The following TNS2 variants were observed in gnomAD, a reference collection of about 807,000 sequenced individuals.
TNS2 encodes tensin 2.
Under a neutral mutation model 155.7 loss-of-function variants are expected in TNS2, and 77 were observed. The observed-to-expected ratio is 0.49, with a 90% CI of 0.41 to 0.60. The LOEUF (loss-of-function observed/expected upper bound fraction) is 0.60, where lower values mean the gene tolerates loss of function less well. Ranked by LOEUF, TNS2 falls within the 20% of genes least tolerant of loss-of-function variation. The pLI is 0.00. For synonymous variants in TNS2, 726 were observed against 763.9 expected, an observed-to-expected ratio of 0.95 and a Z score of 0.82; for missense variants, 1,703 against 1,868.8, an observed-to-expected ratio of 0.91 and a Z score of 1.64.
At chr12:53,062,865 G>C in intron 25 of TNS2, 168 bp downstream of exon 25, 1 of 971,132 alleles carries the variant, frequency 1.0e-6, no homozygotes, top group African/African-American at 1.6e-5. Context: ...CTCAGCCTAG[G>C]TTCTCAAAGT....
intron 11 of TNS2, 89 bp from the exon 12 acceptor site, chr12:53,057,478 G>T (rs1159394129): frequency 1.7e-5 from 17 of 987,390 alleles, no homozygotes; most frequent in Non-Finnish European, 3.1e-6. Context: ...GAGCAGAAGA[G>T]CGAGCCTTCT....
rs903337240 is a variant in TNS2, at chr12:53,058,334, G to A, written c.1114G>A (p.Gly372Ser). 1.2e-6 allele frequency: 2 copies of A among 1,614,148 alleles called. No homozygotes were observed. Residue 372 changes from glycine (G) to serine (S), a missense_variant, in exon 15 of 29, where the codon GGT (glycine) becomes AGT (serine). Physicochemically the swap from Gly to Ser is moderately conservative, Grantham distance 56. Coordinates refer to ENST00000314250, the MANE Select transcript of TNS2 (RefSeq NM_170754.4). ...GDVMVTCYHK[G>S]GRGTDRTLVF... ...CTCCCAGGTAACATGTTATCACAAG[G>A]GTGGCCGGGGCACAGACCGGACCCT... is the stretch of plus-strand genomic sequence containing the variant.
chr12:53,058,871 G>C lies in TNS2; in HGVS notation c.1405+44G>C, dbSNP rs763152718. 1.9e-5 allele frequency: 31 copies of C among 1,598,178 alleles called. No individual in the cohort carries two copies. The East Asian group carries it at 6.9e-4, about 36-fold the overall frequency. ...GGGTGGGAGGTACAGGGTTGTGGCG[G>C]GACCCTGGGGGGTGGTGCCAGGGAG... On this transcript the variant is annotated intron_variant, in intron 17 of 28. Coordinates refer to ENST00000314250, the MANE Select transcript of TNS2 (RefSeq NM_170754.4).
In TNS2 at chr12:53,051,897, C is replaced by T. The variant is rs1230910886; in HGVS notation, c.118C>T (p.Arg40Trp). 5 of 1,613,506 alleles carry T rather than the reference C, an allele frequency of 3.1e-6. No homozygotes were observed. Among genetic ancestry groups the T allele is most frequent in the African/African-American group, 1.3e-5 (1 of 74,886 alleles). Residue 40 changes from arginine to tryptophan, a missense_variant, in exon 2 of 29, where the codon CGG becomes TGG. Coordinates refer to ENST00000314250, the MANE Select transcript of TNS2 (RefSeq NM_170754.4). ...TCATAGCTTCCGGGAGAAGGTTTTC[C>T]GGAAGAAACCTCCAGTCTGTGCAGT... Reference protein sequence around the residue: ...EPHSFREKVFRKKPPVCAVCK... With the variant: ...EPHSFREKVFWKKPPVCAVCK...
At position 53,059,471 on chromosome 12, in the gene TNS2, C is replaced by A; in HGVS notation, c.1830C>A (p.Tyr610Ter). ...EPCGVPNGGY[Y>*]RPEGTLERRR... is the part of the protein sequence containing the mutation. ...GCGGGGTTCCCAATGGGGGCTACTACCGGCCAGAGGGAACCCTGGAGAGGA... is the reference window on the plus strand; with the variant it reads ...GCGGGGTTCCCAATGGGGGCTACTAACGGCCAGAGGGAACCCTGGAGAGGA... Residue 610 changes from tyrosine (Y) to a stop codon, truncating the protein, a stop_gained, in exon 18 of 29, where the codon TAC becomes TAA. Transcript: ENST00000314250. LOFTEE classifies it high-confidence loss of function. This position sits in a 1 kb window ranked among gnomAD's most constrained non-coding sequence, Gnocchi z 4.7. 6.5e-7 allele frequency: 1 copy of A among 1,542,380 alleles called. No homozygotes were observed. The highest frequency in any genetic ancestry group is 8.7e-7 in the Non-Finnish European group (1 of 1,149,944).
rs1419516652 is a variant in TNS2 at position 53,061,930 on chromosome 12, G to T, written c.3564G>T (p.Gln1188His). ...TGGCCACACCGCCACCCAGTGCCCA[G>T]CCCTGGAAAGGTACAGAACACCCAA... ...LKVATPPPSA[Q>H]PWKGDPVEQL... is the part of the protein sequence containing the mutation. The change falls in exon 22 of 29, where the codon CAG becomes CAT. Residue 1188 changes from glutamine to histidine, a missense_variant. By Grantham distance (24) the Gln-to-His change is conservative. Transcript: ENST00000314250. 2 of 1,612,218 alleles carry T rather than the reference G, an allele frequency of 1.2e-6. No individual in the cohort carries two copies. The highest frequency in any genetic ancestry group is 1.1e-5 in the South Asian group (1 of 90,924).
chr12:53,052,518 G>T (rs778711534), intron 3 of TNS2, 26 bp downstream of exon 3: 17 of 1,613,698 alleles, frequency 1.1e-5, no homozygotes, highest in Non-Finnish European at 1.4e-5. Flanking sequence ...TACCTGATAG[G>T]GGGAGAGGGT....
At position 53,063,952 on chromosome 12, in the gene TNS2, C is replaced by T; in HGVS notation, c.*70C>T. 6.4e-7 allele frequency: 1 copy of T among 1,569,626 alleles called. No homozygotes were observed. The highest frequency in any genetic ancestry group is 8.7e-7 in the Non-Finnish European group (1 of 1,152,512). The stretch of plus-strand genomic sequence containing the variant: ...CCAGCACCCCACAGCCCTCACATCC[C>T]CTGGCCTGGACCCAGGAGACCCAGG... On this transcript the variant is annotated 3_prime_UTR_variant, in exon 29 of 29. Coordinates refer to ENST00000314250, the MANE Select transcript of TNS2 (RefSeq NM_170754.4). This position sits in a 1 kb window ranked among gnomAD's most constrained non-coding sequence, Gnocchi z 5.6.
Position 53,060,014 on chromosome 12 carries a change from T to C in TNS2, c.2373T>C (p.Tyr791=), listed in dbSNP as rs1317573303. The change falls in exon 18 of 29, where the codon TAT becomes TAC. Residue 791 remains tyrosine (Y), a synonymous_variant. Coordinates refer to ENST00000314250, the MANE Select transcript of TNS2 (RefSeq NM_170754.4). The surrounding 1 kb of genome is among the most constrained non-coding windows in gnomAD (Gnocchi z 6.1). ...PGYPALVTYS[Y]GGAVPSYCPA... The stretch of plus-strand genomic sequence containing the variant: ...ACCCTGCCCTGGTGACATACAGCTA[T>C]GGAGGAGCAGTTCCCAGTTACTGCC... The C allele has an allele frequency of 1.2e-6, 2 of 1,613,478 alleles. No homozygotes were observed. The highest frequency in any genetic ancestry group is 8.5e-7 in the Non-Finnish European group (1 of 1,179,948).
intron 6 of TNS2, 62 bp from the exon 7 acceptor site, chr12:53,054,208 G>C (rs1280899085): frequency 6.2e-7 from 1 of 1,606,324 alleles, no homozygotes; most frequent in African/African-American, 1.3e-5. Flanking sequence ...CAGCCTTCCC[G>C]TCACACTAGC....
intron 20 of TNS2, 53 bp downstream of exon 20, chr12:53,061,317 G>C: frequency 6.2e-7 from 1 of 1,611,386 alleles, no homozygotes; most frequent in Non-Finnish European, 8.5e-7. Flanking sequence ...CTTTCTCCTG[G>C]GATGTAGCAT....
At position 53,051,864 on chromosome 12, in the gene TNS2, G is replaced by A. The variant is rs752785217; in HGVS notation, c.85G>A (p.Ala29Thr). 1.9e-5 allele frequency: 31 copies of A among 1,612,788 alleles called. No individual in the cohort carries two copies. The highest frequency in any genetic ancestry group is 2.5e-5 in the Non-Finnish European group (30 of 1,179,372). The change falls in exon 2 of 29, where the codon GCT becomes ACT. Residue 29 changes from alanine (A) to threonine (T), a missense_variant. Ala to Thr is a moderately conservative substitution (Grantham distance 58). Coordinates refer to ENST00000314250, the MANE Select transcript of TNS2 (RefSeq NM_170754.4). ...GTCCCTCCACCTTCAGCCTAGGAAA[G>A]CTGAGCCTCATAGCTTCCGGGAGAA... ...SSRAASRPRKAEPHSFREKVF... is the reference protein window; with the variant it reads ...SSRAASRPRKTEPHSFREKVF...
At chr12:53,058,005 G>T (rs1352194049) in intron 13 of TNS2, 22 bp from the exon 14 acceptor site, 1 of 1,613,812 alleles carries the variant, frequency 6.2e-7, no homozygotes, top group Non-Finnish European at 8.5e-7. Flanking sequence ...GTTCATCTCT[G>T]CCTTCTCCTC....
rs531569772 is a variant in TNS2 at position 53,051,970 on chromosome 12, C to T, written c.184+7C>T. The T allele has an allele frequency of 1.2e-4, 199 of 1,607,948 alleles. 3 individuals are homozygous for T. In the South Asian group the frequency reaches 2.0e-3, roughly 16 times the overall value. On this transcript the variant is annotated splice_region_variant and intron_variant, in intron 2 of 28. Coordinates refer to ENST00000314250, the MANE Select transcript of TNS2 (RefSeq NM_170754.4). ...ACAGGCGTTTCGTGCAGAGGTGAGG[C>T]TCTCTGTCCTGTGACTCTGAGACCC... is the stretch of plus-strand genomic sequence containing the variant.
At chr12:53,052,040 A>C in intron 2 of TNS2, 77 bp downstream of exon 2, 62 of 1,213,096 alleles carry the variant, frequency 5.1e-5, no homozygotes, top group Non-Finnish European at 6.8e-5. Context: ...AGGCCAGCTC[A>C]CACAATCTCA....
chr12:53,053,411 G>A lies in TNS2; in HGVS notation c.223G>A (p.Val75Met). Residue 75 changes from valine (V) to methionine (M), a missense_variant and splice_region_variant, in exon 4 of 29, where the codon GTG becomes ATG. Val to Met is a conservative substitution (Grantham distance 21). Transcript: ENST00000314250. ...VATHRKCEAK[V>M]TSACQALPPV... is the part of the protein sequence containing the mutation. ...AGTTCCTTACTCGGTCCCCTTCCAG[G>A]TGACTTCAGCCTGTCAGGCCTTGCC... is the stretch of plus-strand genomic sequence containing the variant. 1 of 1,614,052 alleles carries A rather than the reference G, an allele frequency of 6.2e-7. No individual in the cohort carries two copies.
At position 53,059,992 on chromosome 12, in the gene TNS2, C is replaced by T. The variant is rs756522372; in HGVS notation, c.2351C>T (p.Pro784Leu). The T allele has an allele frequency of 6.2e-7, 1 of 1,613,420 alleles. No homozygotes were observed. Among genetic ancestry groups the T allele is most frequent in the Non-Finnish European group, 8.5e-7 (1 of 1,179,954 alleles). Reference sequence around the variant, plus strand: ...GGCAGGTATGGGCATCCAGGGTACCCTGCCCTGGTGACATACAGCTATGGA... The same window carrying T: ...GGCAGGTATGGGCATCCAGGGTACCTTGCCCTGGTGACATACAGCTATGGA... Reference protein sequence around the residue: ...PEGRYGHPGYPALVTYSYGGA... With the variant: ...PEGRYGHPGYLALVTYSYGGA... Residue 784 changes from proline to leucine, a missense_variant, in exon 18 of 29, where the codon CCT becomes CTT. Physicochemically the swap from Pro to Leu is moderately conservative, Grantham distance 98. Coordinates refer to ENST00000314250, the MANE Select transcript of TNS2 (RefSeq NM_170754.4). The surrounding 1 kb of genome is among the most constrained non-coding windows in gnomAD (Gnocchi z 4.7).
rs932624175 is a variant in TNS2 at position 53,064,023 on chromosome 12, G to C, written c.*141G>C. On this transcript the variant is annotated 3_prime_UTR_variant, in exon 29 of 29. Transcript: ENST00000314250. ...AATGAGGAGTGGGCATCAGGCCTGG[G>C]ACACTGCTCTCCTTCCCCGCCCCCA... The C allele has an allele frequency of 4.8e-5, 44 of 923,774 alleles. No individual in the cohort carries two copies. The highest frequency in any genetic ancestry group is 8.3e-5 in the Admixed American group (3 of 36,000). The allele number at this position is 923,774 out of a possible 1,614,324, so 57.2% of individuals were successfully genotyped here.
intron 24 of TNS2, 76 bp downstream of exon 24, chr12:53,062,529 C>G: frequency 6.2e-7 from 1 of 1,607,496 alleles, no homozygotes; most frequent in Non-Finnish European, 8.5e-7. Flanking sequence ...GGTCTTGGCT[C>G]CCCGCCTTCC....
Sources: gnomAD v4.1 joint callset for allele counts on GRCh38, gnomAD v4.1.1 for gene constraint, Gnocchi (gnomAD v3.1) non-coding constraint, MANE v1.5 for transcripts, NCBI Gene and HGNC (gene_info 2026-07-23, HGNC 2026-07-21) for gene names.